PSG2: variants seen among roughly 807,000 people sequenced by gnomAD.
PSG2 encodes pregnancy-specific beta-1-glycoprotein 2.
Under a neutral mutation model 36.2 loss-of-function variants are expected in PSG2, and 49 were observed. The ratio of observed to expected loss-of-function variants is 1.35; its 90% CI spans 1.08 to 1.72. The LOEUF (loss-of-function observed/expected upper bound fraction) is 1.72, where lower values mean the gene tolerates loss of function less well. Among genes scored for constraint, PSG2 ranks in the 40% most tolerant of loss-of-function variants. The pLI is 0.00. For synonymous variants in PSG2, 261 were observed against 155.6 expected, an observed-to-expected ratio of 1.68 and a Z score of -5.04; for missense variants, 605 against 407.2, an observed-to-expected ratio of 1.49 and a Z score of -4.18.
intron 2 of PSG2, among the ~76,000 whole-genome samples, chr19:43,079,501 T>A (rs1967738058): frequency 6.6e-6 from 1 of 150,406 alleles, no homozygotes; most frequent in African/African-American, 2.5e-5. Context: ...CCTTCATTTG[T>A]TATGTGAGAG....
intron 4 of PSG2, among the ~76,000 whole-genome samples, chr19:43,068,996 T>C (rs968320759): frequency 1.3e-5 from 2 of 151,538 alleles, no homozygotes; most frequent in Non-Finnish European, 2.9e-5. Context: ...TTAGAATTAA[T>C]AAATAAATTC....
In PSG2 at chr19:43,064,478, G is replaced by C; in HGVS notation, c.*164C>G. The C allele has an allele frequency of 2.2e-6, 1 of 458,840 alleles. No homozygotes were observed. The highest frequency in any genetic ancestry group is 4.1e-6 in the Non-Finnish European group (1 of 245,194). 28.4% of individuals were successfully genotyped at this position (458,840 alleles called of 1,614,324 possible). A position where few individuals can be genotyped will look rare whatever the true frequency, so the allele number is the denominator to read the frequency against. On this transcript the variant is annotated 3_prime_UTR_variant, in exon 6 of 6. Coordinates refer to ENST00000406487, the MANE Select transcript of PSG2 (RefSeq NM_031246.4). ...ATTGAGTATTTTTCTTCTTTGTCTT[G>C]AATTTCATGAAGGTATCAGCCTGTT...
chr19:43,072,012 G>T (rs34094925), intron 3 of PSG2, 58 bp from the exon 4 acceptor site: 71,675 of 1,584,646 alleles, frequency 0.045, 4,832 homozygotes, highest in East Asian at 0.33. Flanking sequence ...GGATGCTCCT[G>T]GTCTCTTAAA....
chr19:43,078,075 G>A (rs1267247164), intron 2 of PSG2, among the ~76,000 whole-genome samples: 1 of 151,722 alleles, frequency 6.6e-6, no homozygotes, highest in Non-Finnish European at 1.5e-5. Context: ...ACACCCTGGT[G>A]AGTCATTGCA....
rs1415023763 is a variant in PSG2, at chr19:43,064,212, A to T, written c.*430T>A. ...TATAAAGAGAGCAGATTCTTACTGAACTTGTGCAAATAGCTTTATTACCAT... is the reference window on the plus strand; with the variant it reads ...TATAAAGAGAGCAGATTCTTACTGATCTTGTGCAAATAGCTTTATTACCAT... On this transcript the variant is annotated 3_prime_UTR_variant, in exon 6 of 6. Coordinates refer to ENST00000406487, the MANE Select transcript of PSG2 (RefSeq NM_031246.4). The T allele has an allele frequency of 1.8e-5, 3 of 162,240 alleles. No homozygotes were observed. Among genetic ancestry groups the T allele is most frequent in the Non-Finnish European group, 4.0e-5 (3 of 74,498 alleles). The allele number at this position is 162,240 out of a possible 1,614,324, so 10.1% of individuals were successfully genotyped here. A position where few individuals can be genotyped will look rare whatever the true frequency, so the allele number is the denominator to read the frequency against.
chr19:43,081,247 C>G lies in PSG2; in HGVS notation c.65-1G>C. ...AGGTTCCAGAAGTTTAAAAGTGATG[C>G]TAGGAGGTGGAGAGAGCATCAGACA... is the stretch of plus-strand genomic sequence containing the variant. On this transcript the variant is annotated splice_acceptor_variant, in intron 1 of 5. Transcript: ENST00000406487. LOFTEE classifies it high-confidence loss of function. The G allele has an allele frequency of 6.2e-7, 1 of 1,610,434 alleles. No individual in the cohort carries two copies. Among genetic ancestry groups the G allele is most frequent in the Non-Finnish European group, 8.5e-7 (1 of 1,178,602 alleles).
intron 2 of PSG2, among the ~76,000 whole-genome samples, chr19:43,080,423 C>T (rs1159797319): frequency 2.0e-5 from 3 of 151,732 alleles, no homozygotes; most frequent in Non-Finnish European, 2.9e-5. Context: ...GCCCATGAAG[C>T]CACAACCCAG....
intron 4 of PSG2, among the ~76,000 whole-genome samples, chr19:43,070,201 A>C (rs1967796511): frequency 6.6e-6 from 1 of 151,610 alleles, no homozygotes; most frequent in Non-Finnish European, 1.5e-5. Context: ...ACAAAACAAC[A>C]GGTGTTTTCA....
intron 2 of PSG2, among the ~76,000 whole-genome samples, chr19:43,076,341 C>G (rs1967895362): frequency 6.6e-6 from 1 of 151,854 alleles, no homozygotes; most frequent in South Asian, 2.1e-4. Flanking sequence ...AGCTTCTGAA[C>G]AAGACCATGT....
chr19:43,072,764 C>A, intron 3 of PSG2: 1 of 1,483,168 alleles, frequency 6.7e-7, no homozygotes, highest in South Asian at 1.3e-5. Flanking sequence ...GTGTGTGTGT[C>A]ACAAGACAGA....
chr19:43,079,663 C>A (rs971699052), intron 2 of PSG2, among the ~76,000 whole-genome samples: 4 of 123,146 alleles, frequency 3.2e-5, no homozygotes. Context: ...GGGTTAAGAT[C>A]TGAGAGGGAG....
At chr19:43,074,179 T>G (rs4802152) in intron 3 of PSG2, among the ~76,000 whole-genome samples, 24,990 of 151,486 alleles carry the variant, frequency 0.16, 2,661 homozygotes, top group East Asian at 0.49. Flanking sequence ...TGGCAGTCAT[T>G]AATAAGAGCC....
chr19:43,079,592 A>T (rs1295949899), intron 2 of PSG2, among the ~76,000 whole-genome samples: 3 of 151,590 alleles, frequency 2.0e-5, no homozygotes, highest in African/African-American at 7.3e-5. Context: ...CCTCTCCTTG[A>T]TCCTCTCATG....
At chr19:43,068,810 G>C (rs1967777643) in intron 4 of PSG2, among the ~76,000 whole-genome samples, 1 of 151,664 alleles carries the variant, frequency 6.6e-6, no homozygotes, top group African/African-American at 2.4e-5. Context: ...GCAGGAATAA[G>C]ACAAGGATGC....
In PSG2 at chr19:43,064,421, T is replaced by A. The variant is rs1058165; in HGVS notation, c.*221A>T. Reference sequence around the variant, plus strand: ...CATTTTCAAATAGAAAATTATGAAATCATTATCCTTTTGATTATTTAGTCC... The same window carrying A: ...CATTTTCAAATAGAAAATTATGAAAACATTATCCTTTTGATTATTTAGTCC... On this transcript the variant is annotated 3_prime_UTR_variant, in exon 6 of 6. Transcript: ENST00000406487. The A allele has an allele frequency of 2.7e-5, 9 of 336,700 alleles. No individual in the cohort carries two copies. The highest frequency in any genetic ancestry group is 2.2e-4 in the East Asian group (5 of 22,636). The allele number at this position is 336,700 out of a possible 1,614,324, so 20.9% of individuals were successfully genotyped here. A position where few individuals can be genotyped will look rare whatever the true frequency, so the allele number is the denominator to read the frequency against.
At chr19:43,072,284 G>C in intron 3 of PSG2, 1 of 1,592,706 alleles carries the variant, frequency 6.3e-7, no homozygotes, top group South Asian at 1.1e-5. Flanking sequence ...GAGAGAGACT[G>C]AGAGGCCTGG....
rs952801484 is a variant in PSG2 at position 43,064,926 on chromosome 19, G to A, written c.*41-325C>T. ...AGTTCACTGCAAGCTCCGCCTCCGC[G>A]GTTCATGCCATTCTCCTGCCTCAGC... On this transcript the variant is annotated intron_variant, in intron 5 of 5. Transcript: ENST00000406487. Among the ~76,000 whole-genome samples the A allele has an allele frequency of 1.9e-4, 29 of 151,854 alleles. 3 individuals carry two copies. Among genetic ancestry groups the A allele is most frequent in the African/African-American group, 2.4e-4 (10 of 41,228 alleles).
intron 2 of PSG2, among the ~76,000 whole-genome samples, chr19:43,078,688 T>TG (rs1599710448): frequency 1.3e-5 from 2 of 151,746 alleles, no homozygotes; most frequent in East Asian, 3.9e-4. Context: ...CCTGATCCAC[T>TG]GGGGAGGCTG....
At position 43,064,436 on chromosome 19, in the gene PSG2, T is replaced by G; in HGVS notation, c.*206A>C. On this transcript the variant is annotated 3_prime_UTR_variant, in exon 6 of 6. Transcript: ENST00000406487. ...AATTATGAAATCATTATCCTTTTGA[T>G]TATTTAGTCCAATAACATTGAGTAT... The G allele has an allele frequency of 5.5e-6, 2 of 361,568 alleles. No homozygotes were observed. Among genetic ancestry groups the G allele is most frequent in the Non-Finnish European group, 5.3e-6 (1 of 189,736 alleles). 22.4% of individuals were successfully genotyped at this position (361,568 alleles called of 1,614,324 possible).
Sources: gnomAD v4.1 joint callset for allele counts (sites outside exome capture counted in the v4.1 genomes callset) on GRCh38, gnomAD v4.1.1 for gene constraint, MANE v1.5 for transcripts, NCBI Gene and HGNC (gene_info 2026-07-23, HGNC 2026-07-21) for gene names.